Variants in ATRNL1 observed in about 807,000 individuals in gnomAD.
ATRNL1 encodes attractin like 1, also known as attractin-like protein 1.
Under a neutral mutation model 182.7 loss-of-function variants are expected in ATRNL1, and 95 were observed. The ratio of observed to expected loss-of-function variants is 0.52; its 90% CI spans 0.44 to 0.62. The LOEUF (loss-of-function observed/expected upper bound fraction) is 0.62, where lower values mean the gene tolerates loss of function less well. Among genes scored for constraint, ATRNL1 ranks in the 20% least tolerant of loss-of-function variants. The pLI is 0.00. For missense variants in ATRNL1, 1,471 were observed against 1,679.5 expected (o/e 0.88, Z 2.17); for synonymous variants, 576 against 568.3 (o/e 1.01, Z -0.19).
chr10:115,109,616 T>C (rs1187022395), intron 1 of ATRNL1, among the ~76,000 whole-genome samples: 1 of 152,202 alleles, frequency 6.6e-6, no homozygotes, highest in East Asian at 1.9e-4. Context: ...TCAACACTTT[T>C]TTGGAGGGAC....
intron 10 of ATRNL1, among the ~76,000 whole-genome samples, chr10:115,255,277 T>A (rs1851070722): frequency 1.3e-5 from 2 of 152,214 alleles, no homozygotes; most frequent in Non-Finnish European, 2.9e-5. Context: ...ACATGGAATA[T>A]TCTTCCATTT....
At chr10:115,658,093 T>C (rs2133896480) in intron 26 of ATRNL1, among the ~76,000 whole-genome samples, 1 of 58,790 alleles carries the variant, frequency 1.7e-5, no homozygotes, top group African/African-American at 6.8e-5. Flanking sequence ...TTTTTTCCTT[T>C]TTTTTTTTTT....
intron 26 of ATRNL1, among the ~76,000 whole-genome samples, chr10:115,695,004 G>A (rs1555049321): frequency 6.6e-6 from 1 of 151,452 alleles, no homozygotes; most frequent in East Asian, 1.9e-4. Flanking sequence ...AGATAAAAGG[G>A]GTTGAGAAAC....
chr10:115,818,185 GTTTTT>G (rs3027964), intron 27 of ATRNL1, among the ~76,000 whole-genome samples: 51 of 130,686 alleles, frequency 3.9e-4, no homozygotes, highest in African/African-American at 1.4e-3. Context: ...ATTTGATTCC[GTTTTT>G]TTTTTTTTTT....
At chr10:115,497,637 C>G (rs1849614523) in intron 24 of ATRNL1, among the ~76,000 whole-genome samples, 1 of 151,050 alleles carries the variant, frequency 6.6e-6, no homozygotes, top group South Asian at 2.1e-4. Context: ...TGTAAAGTCT[C>G]AGTGTAAGTT....
intron 26 of ATRNL1, among the ~76,000 whole-genome samples, chr10:115,559,577 T>C (rs1344903684): frequency 1.3e-5 from 2 of 152,220 alleles, no homozygotes; most frequent in African/African-American, 2.4e-5. Flanking sequence ...GTTCCCTTTA[T>C]TTTAGCATAC....
intron 8 of ATRNL1, among the ~76,000 whole-genome samples, chr10:115,176,610 T>C (rs1326085168): frequency 6.6e-6 from 1 of 151,900 alleles, no homozygotes; most frequent in Admixed American, 6.6e-5. Context: ...TTCCAAAATT[T>C]TGGGCCTGAG....
chr10:115,536,732 C>G (rs1554990535), intron 25 of ATRNL1, among the ~76,000 whole-genome samples: 1 of 152,188 alleles, frequency 6.6e-6, no homozygotes, highest in African/African-American at 2.4e-5. Context: ...CAGACCGGAG[C>G]TGTTCCTATT....
At chr10:115,306,521 TTTTTTTTACAG>T (rs1191235978) in intron 17 of ATRNL1, among the ~76,000 whole-genome samples, 1 of 151,780 alleles carries the variant, frequency 6.6e-6, no homozygotes, top group African/African-American at 2.4e-5. Context: ...TAAAATTAAT[TTTTTTTTACAG>T]TTTTTCATTG....
chr10:115,509,324 G>A (rs1363411645), intron 24 of ATRNL1, among the ~76,000 whole-genome samples: 2 of 151,932 alleles, frequency 1.3e-5, no homozygotes, highest in Non-Finnish European at 2.9e-5. Flanking sequence ...TAACTGATAC[G>A]GTTTGGGTGG....
chr10:115,329,472 G>A (rs1554934393), intron 18 of ATRNL1, among the ~76,000 whole-genome samples: 1 of 152,078 alleles, frequency 6.6e-6, no homozygotes, highest in East Asian at 1.9e-4. Flanking sequence ...ATTGCTGAGA[G>A]TTGGGTGTTA....
chr10:115,154,838 G>A (rs1002938712), intron 5 of ATRNL1, among the ~76,000 whole-genome samples: 2 of 152,098 alleles, frequency 1.3e-5, no homozygotes, highest in East Asian at 3.9e-4. Flanking sequence ...CCAAGAAACG[G>A]TGCCAGGGAG....
At chr10:115,132,848 T>A (rs573687996) in intron 5 of ATRNL1, among the ~76,000 whole-genome samples, 2 of 152,282 alleles carry the variant, frequency 1.3e-5, no homozygotes, top group South Asian at 4.1e-4. Context: ...GTCAGATGAG[T>A]AGATTGCAAA....
intron 21 of ATRNL1, among the ~76,000 whole-genome samples, chr10:115,452,979 A>C (rs1169460106): frequency 6.6e-6 from 1 of 152,134 alleles, no homozygotes; most frequent in East Asian, 1.9e-4. Flanking sequence ...TTCACTTAGC[A>C]TCATGTTCTC....
intron 26 of ATRNL1, among the ~76,000 whole-genome samples, chr10:115,610,404 T>C (rs1555018661): frequency 6.6e-6 from 1 of 152,222 alleles, no homozygotes; most frequent in African/African-American, 2.4e-5. Context: ...AGCTTTATTT[T>C]TTCTCTTGGT....
At chr10:115,316,804 T>C (rs1854321956) in intron 18 of ATRNL1, among the ~76,000 whole-genome samples, 2 of 152,370 alleles carry the variant, frequency 1.3e-5, no homozygotes, top group South Asian at 4.1e-4. Flanking sequence ...TTGTAAATTC[T>C]GGATATTAGA....
chr10:115,894,831 C>T (rs567468338), intron 28 of ATRNL1, among the ~76,000 whole-genome samples: 6 of 152,248 alleles, frequency 3.9e-5, no homozygotes, highest in African/African-American at 1.2e-4. Flanking sequence ...TGTGGGGTCT[C>T]TGTAGAAACA....
At chr10:115,380,486 A>T (rs1481258657) in intron 19 of ATRNL1, among the ~76,000 whole-genome samples, 2 of 152,076 alleles carry the variant, frequency 1.3e-5, no homozygotes, top group African/African-American at 4.8e-5. Flanking sequence ...CCCCCCTCTA[A>T]AAAGCCCTCA....
At chr10:115,377,671 A>T (rs915980691) in intron 19 of ATRNL1, among the ~76,000 whole-genome samples, 1 of 152,160 alleles carries the variant, frequency 6.6e-6, no homozygotes, top group Non-Finnish European at 1.5e-5. Flanking sequence ...CACCTCTTCC[A>T]GTCCTTACAA....
Sources: gnomAD v4.1 joint callset for allele counts (sites outside exome capture counted in the v4.1 genomes callset) on GRCh38, gnomAD v4.1.1 for gene constraint, MANE v1.5 for transcripts, NCBI Gene and HGNC (gene_info 2026-07-23, HGNC 2026-07-21) for gene names.